The following RAB3C variants were observed in gnomAD, a reference collection of about 807,000 sequenced individuals.
The protein encoded by RAB3C is RAB3C, member RAS oncogene family, also known as ras-related protein Rab-3C.
A neutral mutation model predicts 26.4 loss-of-function variants in RAB3C; 17 were observed. The ratio of observed to expected loss-of-function variants is 0.64; its 90% CI spans 0.44 to 0.97. The LOEUF is 0.97. RAB3C is among the 50% of genes least tolerant of loss of function. The pLI is 0.00. For synonymous variants in RAB3C, 91 were observed against 95.9 expected, an observed-to-expected ratio of 0.95 and a Z score of 0.30; for missense variants, 242 against 281.9, an observed-to-expected ratio of 0.86 and a Z score of 1.01.
intron 2 of RAB3C, among the ~76,000 whole-genome samples, chr5:58,722,711 T>C (rs1171034824): frequency 2.0e-5 from 3 of 151,864 alleles, no homozygotes; most frequent in African/African-American, 7.2e-5. Context: ...CAGCTGGATA[T>C]ACTGCTAACT....
At chr5:58,802,199 A>C (rs183846417) in intron 3 of RAB3C, among the ~76,000 whole-genome samples, 1 of 152,324 alleles carries the variant, frequency 6.6e-6, no homozygotes, top group East Asian at 1.9e-4. Flanking sequence ...ACTTTCACTC[A>C]TCCTCACAAA....
At chr5:58,806,655 A>G (rs1471170435) in intron 3 of RAB3C, among the ~76,000 whole-genome samples, 2 of 152,182 alleles carry the variant, frequency 1.3e-5, no homozygotes, top group East Asian at 1.9e-4. Context: ...GCCTCTATCT[A>G]TGACATGCCA....
In RAB3C at chr5:58,825,138, G is replaced by A; in HGVS notation, c.472G>A (p.Gly158Ser). 1 of 1,611,440 alleles carries A rather than the reference G, an allele frequency of 6.2e-7. No homozygotes were observed. The highest frequency in any genetic ancestry group is 8.5e-7 in the Non-Finnish European group (1 of 1,178,610). ...EDERVISTER[G>S]QHLGEQLGFE... is the part of the protein sequence containing the mutation. The stretch of plus-strand genomic sequence containing the variant: ...CGAGCGGGTCATCTCAACTGAGCGA[G>A]GTCAACATTTAGGAGAACAGCTTGG... The change falls in exon 4 of 5, where the codon GGT becomes AGT. Residue 158 changes from glycine to serine, a missense_variant. Coordinates refer to ENST00000282878, the MANE Select transcript of RAB3C (RefSeq NM_138453.4).
intron 3 of RAB3C, among the ~76,000 whole-genome samples, chr5:58,811,037 T>TA (rs778258449): frequency 5.9e-5 from 9 of 152,170 alleles, no homozygotes; most frequent in Admixed American, 6.5e-5. Context: ...GACCAGGACT[T>TA]AATTTGAGCC....
rs998617495 is a variant in RAB3C at position 58,858,394 on chromosome 5, T to A, written c.*7043T>A. 1 of 152,166 alleles carries A rather than the reference T, an allele frequency of 6.6e-6. No individual in the cohort carries two copies. Among genetic ancestry groups the A allele is most frequent in the Admixed American group, 6.6e-5 (1 of 15,250 alleles). The allele number at this position is 152,166 out of a possible 1,614,324, so 9.4% of individuals were successfully genotyped here. A position where few individuals can be genotyped will look rare whatever the true frequency, so the allele number is the denominator to read the frequency against. On this transcript the variant is annotated 3_prime_UTR_variant, in exon 5 of 5. Transcript: ENST00000282878. Reference sequence around the variant, plus strand: ...GGTGTGGTTGAATTTTAGTTAGTTGTCACATAGTTATTGAACCTCATATGC... The same window carrying A: ...GGTGTGGTTGAATTTTAGTTAGTTGACACATAGTTATTGAACCTCATATGC...
intron 2 of RAB3C, among the ~76,000 whole-genome samples, chr5:58,626,825 T>A (rs911383654): frequency 6.6e-6 from 1 of 152,168 alleles, no homozygotes; most frequent in South Asian, 2.1e-4. Context: ...GTAGTAGTAC[T>A]TTTTTTGGTA....
At chr5:58,674,527 G>A (rs1748184370) in intron 2 of RAB3C, among the ~76,000 whole-genome samples, 2 of 152,188 alleles carry the variant, frequency 1.3e-5, no homozygotes, top group East Asian at 3.9e-4. Context: ...CATGTTTCCT[G>A]CTTAATCCAT....
intron 3 of RAB3C, among the ~76,000 whole-genome samples, chr5:58,764,254 C>T (rs1741853048): frequency 6.6e-6 from 1 of 152,042 alleles, no homozygotes; most frequent in Admixed American, 6.6e-5. Context: ...CTAACCTGAG[C>T]ATGTTTCTTA....
chr5:58,704,332 T>G (rs954684024), intron 2 of RAB3C, among the ~76,000 whole-genome samples: 1 of 152,194 alleles, frequency 6.6e-6, no homozygotes, highest in Non-Finnish European at 1.5e-5. Context: ...GCTTGGAGTT[T>G]GCATGTAATT....
chr5:58,777,183 T>C (rs6898086), intron 3 of RAB3C, among the ~76,000 whole-genome samples: 133,577 of 152,078 alleles, frequency 0.88, 58,951 homozygotes, highest in African/African-American at 0.97. Context: ...TTGACACAGC[T>C]TTCCTCTCTT....
chr5:58,796,429 C>T (rs1007940252), intron 3 of RAB3C, among the ~76,000 whole-genome samples: 4 of 151,986 alleles, frequency 2.6e-5, no homozygotes, highest in African/African-American at 9.7e-5. Context: ...AATCCACCAC[C>T]CAGAGTGGTG....
chr5:58,814,929 T>C (rs1443254994), intron 3 of RAB3C, among the ~76,000 whole-genome samples: 1 of 152,118 alleles, frequency 6.6e-6, no homozygotes, highest in Non-Finnish European at 1.5e-5. Flanking sequence ...CAGGACTAGG[T>C]GGATCAAGAA....
At chr5:58,664,274 G>A (rs533517601) in intron 2 of RAB3C, among the ~76,000 whole-genome samples, 1 of 151,934 alleles carries the variant, frequency 6.6e-6, no homozygotes, top group South Asian at 2.1e-4. Flanking sequence ...CCATACTATC[G>A]AATACAACTG....
At chr5:58,651,651 A>T (rs1747651103) in intron 2 of RAB3C, among the ~76,000 whole-genome samples, 1 of 152,204 alleles carries the variant, frequency 6.6e-6, no homozygotes. Context: ...TTATTCATTC[A>T]TCCAACAAAC....
chr5:58,659,734 T>G (rs575977326), intron 2 of RAB3C, among the ~76,000 whole-genome samples: 3 of 152,308 alleles, frequency 2.0e-5, no homozygotes, highest in African/African-American at 7.2e-5. Flanking sequence ...ATAAAATTAA[T>G]TTTTTCTCAA....
In RAB3C at chr5:58,632,731, T is replaced by G. The variant is rs1747210770; in HGVS notation, c.252+14861T>G. ...CAAAGCTTAAGAGCTTCTGACATAC[T>G]GTATTTGACAATGGTTCTACTTGCT... On this transcript the variant is annotated intron_variant, in intron 2 of 4. Coordinates refer to ENST00000282878, the MANE Select transcript of RAB3C (RefSeq NM_138453.4). 2.0e-5 allele frequency among the ~76,000 whole-genome samples: 3 copies of G among 152,204 alleles called. No homozygotes were observed. In the South Asian group the frequency reaches 6.2e-4, roughly 32 times the overall value.
chr5:58,688,841 A>G lies in RAB3C; in HGVS notation c.253-37161A>G, dbSNP rs543486947. Among the ~76,000 whole-genome samples, 4 of 152,234 alleles carry G rather than the reference A, an allele frequency of 2.6e-5. No homozygotes were observed. In the East Asian group the frequency reaches 7.7e-4, roughly 29 times the overall value. ...TAGAAATGGTCTCTTGATGGATCCA[A>G]TCGTGATTTCTGTGAAGTCAAACAT... On this transcript the variant is annotated intron_variant, in intron 2 of 4. Transcript: ENST00000282878.
intron 3 of RAB3C, among the ~76,000 whole-genome samples, chr5:58,728,074 G>A (rs1223458851): frequency 1.3e-5 from 2 of 151,794 alleles, no homozygotes; most frequent in Non-Finnish European, 2.9e-5. Flanking sequence ...TCTGCCCCAA[G>A]GCATATAGAT....
chr5:58,729,788 TTA>T (rs1251365324), intron 3 of RAB3C, among the ~76,000 whole-genome samples: 2 of 146,652 alleles, frequency 1.4e-5, no homozygotes, highest in African/African-American at 2.5e-5. Flanking sequence ...ATATGTATAT[TTA>T]TATTATATAT....
Sources: allele counts gnomAD v4.1 joint callset (sites outside exome capture counted in the v4.1 genomes callset), GRCh38; gene constraint gnomAD v4.1.1; transcripts MANE v1.5; gene names NCBI Gene and HGNC (gene_info 2026-07-23, HGNC 2026-07-21).